The following PGCKA1 variants were observed in gnomAD, a reference collection of about 807,000 sequenced individuals.
PGCKA1 encodes the protein PDCD10 and GCKIII kinases associated 1.
At chr4:37,522,717 G>A in the PGCKA1 span, among the ~76,000 whole-genome samples, 4 of 152,018 alleles carry the variant, frequency 2.6e-5, no homozygotes, top group Non-Finnish European at 4.4e-5. Context: ...GACTGGGTGG[G>A]TCCTTTCCTT....
the PGCKA1 span, among the ~76,000 whole-genome samples, chr4:37,480,279 G>C: frequency 6.6e-6 from 1 of 152,202 alleles, no homozygotes; most frequent in Non-Finnish European, 1.5e-5. Flanking sequence ...GATCACTTAA[G>C]ATCAGGAGTT....
At chr4:37,576,177 G>A in the PGCKA1 span, among the ~76,000 whole-genome samples, 1 of 152,054 alleles carries the variant, frequency 6.6e-6, no homozygotes, top group Non-Finnish European at 1.5e-5. Flanking sequence ...GCGTTGGGTA[G>A]TATGGACATT....
chr4:37,591,251 A>G, the PGCKA1 span: 11 of 382,740 alleles, frequency 2.9e-5, no homozygotes, highest in African/African-American at 1.8e-4. Flanking sequence ...CATTGTGCCC[A>G]TATCCACAGA....
chr4:37,527,647 G>A, the PGCKA1 span, among the ~76,000 whole-genome samples: 3 of 146,184 alleles, frequency 2.1e-5, no homozygotes, highest in African/African-American at 5.1e-5. Context: ...GTGAAACCCC[G>A]TCTCTACTAA....
the PGCKA1 span, among the ~76,000 whole-genome samples, chr4:37,523,801 G>A: frequency 1.1e-4 from 17 of 152,028 alleles, no homozygotes; most frequent in African/African-American, 2.9e-4. Flanking sequence ...ATCAGGGTGC[G>A]GGCCATCTTC....
At chr4:37,510,423 C>G in the PGCKA1 span, among the ~76,000 whole-genome samples, 4 of 152,302 alleles carry the variant, frequency 2.6e-5, no homozygotes, top group African/African-American at 4.8e-5. Flanking sequence ...TTAAGGGGCA[C>G]TGCAAGCCCA....
chr4:37,531,433 G>GA, the PGCKA1 span, among the ~76,000 whole-genome samples: 3 of 152,152 alleles, frequency 2.0e-5, no homozygotes, highest in African/African-American at 7.2e-5. Flanking sequence ...GTGGCTGAGA[G>GA]AAAATTGTCT....
At chr4:37,454,273 G>C in the PGCKA1 span, among the ~76,000 whole-genome samples, 1 of 152,194 alleles carries the variant, frequency 6.6e-6, no homozygotes, top group Non-Finnish European at 1.5e-5. Flanking sequence ...CTCGGGTGGG[G>C]GGAGGCGGAC....
the PGCKA1 span, among the ~76,000 whole-genome samples, chr4:37,532,482 T>G: frequency 6.6e-6 from 1 of 151,304 alleles, no homozygotes; most frequent in Non-Finnish European, 1.5e-5. Flanking sequence ...AAGCATTCTG[T>G]GAAATCAGTC....
chr4:37,492,241 A>G, the PGCKA1 span, among the ~76,000 whole-genome samples: 25 of 152,072 alleles, frequency 1.6e-4, no homozygotes, highest in African/African-American at 5.5e-4. This position sits in a 1 kb window ranked among gnomAD's most constrained non-coding sequence, Gnocchi z 4.7. Context: ...TTTTACCTCC[A>G]TAGTTTCTGG....
the PGCKA1 span, among the ~76,000 whole-genome samples, chr4:37,531,855 G>A: frequency 5.0e-5 from 7 of 140,576 alleles, no homozygotes; most frequent in East Asian, 1.5e-3. Context: ...TAGCGCCACT[G>A]CAGTCCAGCC....
the PGCKA1 span, among the ~76,000 whole-genome samples, chr4:37,542,752 T>C: frequency 6.6e-6 from 1 of 152,204 alleles, no homozygotes; most frequent in Non-Finnish European, 1.5e-5. Flanking sequence ...AGCTCCAGAA[T>C]ATTCAGAAAG....
chr4:37,565,311 G>C, the PGCKA1 span, among the ~76,000 whole-genome samples: 1 of 152,270 alleles, frequency 6.6e-6, no homozygotes, highest in East Asian at 1.9e-4. Flanking sequence ...TTCGCATGGG[G>C]CCATATTTAT....
At chr4:37,533,893 A>T in the PGCKA1 span, among the ~76,000 whole-genome samples, 1 of 152,210 alleles carries the variant, frequency 6.6e-6, no homozygotes, top group Non-Finnish European at 1.5e-5. Context: ...TGTGATTATC[A>T]GGCAGAATTT....
At chr4:37,569,979 C>CTTTTTTT in the PGCKA1 span, among the ~76,000 whole-genome samples, 2 of 119,280 alleles carry the variant, frequency 1.7e-5, no homozygotes, top group Non-Finnish European at 3.3e-5. Flanking sequence ...GCATATAATC[C>CTTTTTTT]TTTTTTTTTT....
At chr4:37,521,482 T>C in the PGCKA1 span, among the ~76,000 whole-genome samples, 2,932 of 152,340 alleles carry the variant, frequency 0.019, 117 homozygotes, top group African/African-American at 0.067. Flanking sequence ...TTTCCATGTA[T>C]CTGTATAGTT....
chr4:37,473,140 A>T, the PGCKA1 span, among the ~76,000 whole-genome samples: 4 of 152,184 alleles, frequency 2.6e-5, no homozygotes, highest in Non-Finnish European at 4.4e-5. Flanking sequence ...TGCTAGTGAA[A>T]ATGCGCTAAG....
the PGCKA1 span, among the ~76,000 whole-genome samples, chr4:37,483,434 C>T: frequency 6.6e-6 from 1 of 152,266 alleles, no homozygotes; most frequent in East Asian, 1.9e-4. Context: ...GAGCCAGTGC[C>T]ATCTTTGTTC....
chr4:37,471,428 C>T, the PGCKA1 span, among the ~76,000 whole-genome samples: 4 of 152,052 alleles, frequency 2.6e-5, no homozygotes, highest in Non-Finnish European at 5.9e-5. Context: ...TCTTTTGACC[C>T]CCTGCTTATT....
Sources: allele counts gnomAD v4.1 joint callset (sites outside exome capture counted in the v4.1 genomes callset), GRCh38; gene constraint gnomAD v4.1.1; non-coding constraint Gnocchi (gnomAD v3.1); transcripts MANE v1.5; gene names NCBI Gene and HGNC (gene_info 2026-07-23, HGNC 2026-07-21).